Variants in TCTN3 observed in about 807,000 individuals in gnomAD.
TCTN3 encodes tectonic family member 3, also known as tectonic-3.
TCTN3 carries 57 observed loss-of-function variants against 71.3 expected under a neutral mutation model. The observed-to-expected ratio is 0.80, with a 90% CI of 0.65 to 1.00. The LOEUF (loss-of-function observed/expected upper bound fraction) is 1.00. TCTN3 is among the 50% of genes least tolerant of loss of function. The pLI, the probability that TCTN3 is intolerant of heterozygous loss-of-function variation, is 0.00. For missense variants in TCTN3, 696 were observed against 719.9 expected (o/e 0.97, Z 0.38); for synonymous variants, 258 against 267.8 (o/e 0.96, Z 0.36).
intron 3 of TCTN3, among the ~76,000 whole-genome samples, chr10:95,692,505 C>CA (rs1393630642): frequency 2.7e-4 from 33 of 123,996 alleles, no homozygotes; most frequent in South Asian, 5.0e-4. Context: ...GGCTCCGTCT[C>CA]AAAAAAAAAC....
chr10:95,685,943 C>T (rs761984106), intron 7 of TCTN3, among the ~76,000 whole-genome samples: 1 of 152,192 alleles, frequency 6.6e-6, no homozygotes, highest in African/African-American at 2.4e-5. Context: ...TTAAAGACTC[C>T]AGGAGGGGTG....
At chr10:95,670,511 A>G (rs1029378413) in intron 13 of TCTN3, among the ~76,000 whole-genome samples, 5 of 150,320 alleles carry the variant, frequency 3.3e-5, no homozygotes, top group Admixed American at 3.3e-4. Context: ...GGCGTGTGCC[A>G]CCTTGCACAT....
At chr10:95,666,137 TCA>T (rs2097925423) in intron 13 of TCTN3, among the ~76,000 whole-genome samples, 2 of 152,184 alleles carry the variant, frequency 1.3e-5, no homozygotes, top group Admixed American at 6.5e-5. Flanking sequence ...AGACAGGATT[TCA>T]CAGTGTCCAG....
intron 13 of TCTN3, 49 bp downstream of exon 13, chr10:95,680,423 C>T (rs2139730907): frequency 6.5e-7 from 1 of 1,539,476 alleles, no homozygotes; most frequent in Non-Finnish European, 8.7e-7. Flanking sequence ...ACTGATAAGA[C>T]AATCTAGGCT....
At chr10:95,684,944 C>T (rs573512114) in intron 8 of TCTN3, among the ~76,000 whole-genome samples, 2 of 152,202 alleles carry the variant, frequency 1.3e-5, no homozygotes, top group African/African-American at 4.8e-5. Flanking sequence ...GAGCATGGAA[C>T]AGAAATCTGG....
chr10:95,664,008 T>C lies in TCTN3; in HGVS notation c.*59A>G. On this transcript the variant is annotated 3_prime_UTR_variant, in exon 14 of 14. Coordinates refer to ENST00000371217, the MANE Select transcript of TCTN3 (RefSeq NM_015631.6). ...CAGGTGAGGTTCTATTTAGCCAAGA[T>C]AAGTGGCTGCCTCAGAGTTTCTCAT... 1 of 1,458,900 alleles carries C rather than the reference T, an allele frequency of 6.9e-7. No individual in the cohort carries two copies. Among genetic ancestry groups the C allele is most frequent in the Non-Finnish European group, 9.6e-7 (1 of 1,043,102 alleles). 90.4% of individuals were successfully genotyped at this position (1,458,900 alleles called of 1,614,324 possible). A position where few individuals can be genotyped will look rare whatever the true frequency, so the allele number is the denominator to read the frequency against.
At chr10:95,674,780 T>C (rs2097935194) in intron 13 of TCTN3, among the ~76,000 whole-genome samples, 1 of 152,174 alleles carries the variant, frequency 6.6e-6, no homozygotes. Context: ...TAATAAAGCA[T>C]ATTTGACTCC....
rs751951666 is a variant in TCTN3, at chr10:95,692,939, A to G, written c.480T>C (p.Phe160=). 11 of 1,613,638 alleles carry G rather than the reference A, an allele frequency of 6.8e-6. No individual in the cohort carries two copies. The highest frequency in any genetic ancestry group is 9.3e-6 in the Non-Finnish European group (11 of 1,179,504). The change falls in exon 3 of 14, where the codon TTT becomes TTC. Residue 160 remains phenylalanine, a synonymous_variant. Transcript: ENST00000371217. The stretch of plus-strand genomic sequence containing the variant: ...ACTCACAGTTGTTCACATGGACACA[A>G]AACTGCCTGATTCCATTAGAATCCA... The part of the protein sequence containing the change: ...VFMDSNGIRQ[F]CVHVNNSNLN...
chr10:95,671,447 T>C (rs1348096187), intron 13 of TCTN3, among the ~76,000 whole-genome samples: 29 of 152,242 alleles, frequency 1.9e-4, no homozygotes, highest in Non-Finnish European at 5.9e-5. Flanking sequence ...TTGGATTAGG[T>C]TACGTTAGGC....
chr10:95,691,435 G>T (rs1034622516), intron 3 of TCTN3, among the ~76,000 whole-genome samples: 4 of 152,140 alleles, frequency 2.6e-5, no homozygotes, highest in East Asian at 1.9e-4. Context: ...TTACAGGAGT[G>T]AGCCACCGCG....
chr10:95,680,487 C>G lies in TCTN3; in HGVS notation c.1575G>C (p.Gln525His). The G allele has an allele frequency of 6.2e-7, 1 of 1,613,902 alleles. No individual in the cohort carries two copies. Among genetic ancestry groups the G allele is most frequent in the South Asian group, 1.1e-5 (1 of 91,068 alleles). Residue 525 changes from glutamine to histidine, a missense_variant, in exon 13 of 14, where the codon CAG becomes CAC. By Grantham distance (24) the Gln-to-His change is conservative. Coordinates refer to ENST00000371217, the MANE Select transcript of TCTN3 (RefSeq NM_015631.6). ...AHVSGVRFLY[Q>H]CQSIQDSQQV... is the part of the protein sequence containing the mutation. The stretch of plus-strand genomic sequence containing the variant: ...CATGACTTACCTGTATAGACTGGCA[C>G]TGGTATAGGAATCGAACTCCTGATA...
chr10:95,680,108 GCTCAGGGA>G (rs1041376896), intron 13 of TCTN3, among the ~76,000 whole-genome samples: 16 of 152,280 alleles, frequency 1.1e-4, no homozygotes, highest in African/African-American at 3.6e-4. Flanking sequence ...CAATCAACAG[GCTCAGGGA>G]CTCACATATA....
rs1223318342 is a variant in TCTN3, at chr10:95,663,899, T to C, written c.*168A>G. On this transcript the variant is annotated 3_prime_UTR_variant, in exon 14 of 14. Transcript: ENST00000371217. The stretch of plus-strand genomic sequence containing the variant: ...AGCTATGATGAATAAAATATTTTTA[T>C]TGCTTTTCTAAAATAACTCCTTTCA... 12 of 619,044 alleles carry C rather than the reference T, an allele frequency of 1.9e-5. No individual in the cohort carries two copies. Among genetic ancestry groups the C allele is most frequent in the Admixed American group, 2.9e-5 (1 of 33,928 alleles). 38.3% of individuals were successfully genotyped at this position (619,044 alleles called of 1,614,324 possible). A position where few individuals can be genotyped will look rare whatever the true frequency, so the allele number is the denominator to read the frequency against.
intron 9 of TCTN3, among the ~76,000 whole-genome samples, chr10:95,684,111 G>A (rs922635544): frequency 3.9e-5 from 6 of 152,230 alleles, no homozygotes; most frequent in African/African-American, 1.4e-4. Flanking sequence ...AAATGGCAGT[G>A]ATTAAGAGTG....
At chr10:95,688,820 G>A (rs1369974392) in intron 3 of TCTN3, among the ~76,000 whole-genome samples, 1 of 152,178 alleles carries the variant, frequency 6.6e-6, no homozygotes, top group Admixed American at 6.5e-5. Flanking sequence ...AGAGATGTAG[G>A]AAAAGGGCTG....
At position 95,682,740 on chromosome 10, in the gene TCTN3, T is replaced by C; in HGVS notation, c.1363A>G (p.Arg455Gly). The C allele has an allele frequency of 6.2e-7, 1 of 1,614,228 alleles. No homozygotes were observed. Among genetic ancestry groups the C allele is most frequent in the Non-Finnish European group, 8.5e-7 (1 of 1,180,040 alleles). Residue 455 changes from arginine to glycine, a missense_variant, in exon 12 of 14, where the codon AGA (arginine) becomes GGA (glycine). By Grantham distance (125) the Arg-to-Gly change is moderately radical. Transcript: ENST00000371217. ...EIYQTLHGRP[R>G]PEYVAIFGNA... is the part of the protein sequence containing the mutation. Reference sequence around the variant, plus strand: ...CCAAAGATGGCAACATACTCTGGTCTGGGCCTTCCATGAAGAGTCTGATAA... The same window carrying C: ...CCAAAGATGGCAACATACTCTGGTCCGGGCCTTCCATGAAGAGTCTGATAA...
At chr10:95,670,481 T>A (rs2097929892) in intron 13 of TCTN3, among the ~76,000 whole-genome samples, 1 of 151,634 alleles carries the variant, frequency 6.6e-6, no homozygotes, top group Admixed American at 6.6e-5. Context: ...CACCTCAGCC[T>A]CCCAAGTAGC....
intron 13 of TCTN3, among the ~76,000 whole-genome samples, chr10:95,679,203 G>C (rs1283536554): frequency 3.3e-5 from 5 of 151,838 alleles, no homozygotes; most frequent in Non-Finnish European, 7.4e-5. Flanking sequence ...AAAATACCCA[G>C]ACAAAAAAAA....
chr10:95,683,417 A>G, intron 10 of TCTN3, 105 bp downstream of exon 10: 1 of 1,585,012 alleles, frequency 6.3e-7, no homozygotes, highest in African/African-American at 1.4e-5. Flanking sequence ...CCTCATTATA[A>G]TGAACAAAAA....
Sources: gnomAD v4.1 joint callset for allele counts (sites outside exome capture counted in the v4.1 genomes callset) on GRCh38, gnomAD v4.1.1 for gene constraint, MANE v1.5 for transcripts, NCBI Gene and HGNC (gene_info 2026-07-23, HGNC 2026-07-21) for gene names.